KLHL24: variants seen among roughly 807,000 people sequenced by gnomAD.
KLHL24 encodes kelch-like protein 24.
Under a neutral mutation model 53.4 loss-of-function variants are expected in KLHL24, and 29 were observed. The ratio of observed to expected loss-of-function variants is 0.54; its 90% confidence interval spans 0.40 to 0.74. The LOEUF (loss-of-function observed/expected upper bound fraction) is 0.74, where lower values mean the gene tolerates loss of function less well. KLHL24 is among the 30% of genes least tolerant of loss of function. The probability of loss-of-function intolerance (pLI) is 0.00; values close to 1 mark genes in which losing one functional copy is unlikely to be tolerated. For synonymous variants in KLHL24, 222 were observed against 253.7 expected, an observed-to-expected ratio of 0.88 and a Z score of 1.19; for missense variants, 504 against 744.0, an observed-to-expected ratio of 0.68 and a Z score of 3.75.
At position 183,663,772 on chromosome 3, in the gene KLHL24, A is replaced by G. The variant is rs1720127288; in HGVS notation, c.1105+130A>G. The G allele has an allele frequency of 1.9e-6, 1 of 535,484 alleles. No individual in the cohort carries two copies. The highest frequency in any genetic ancestry group is 2.0e-5 in the African/African-American group (1 of 50,678). 33.2% of individuals were successfully genotyped at this position (535,484 alleles called of 1,614,324 possible). ...GAGGAAGATCAGTTTACAACAAATAAAACCAAGAATGACTTTTTGCTCTTA... is the reference window on the plus strand; with the variant it reads ...GAGGAAGATCAGTTTACAACAAATAGAACCAAGAATGACTTTTTGCTCTTA... On this transcript the variant is annotated intron_variant, in intron 4 of 7. Transcript: ENST00000242810. This position sits in a 1 kb window ranked among gnomAD's most constrained non-coding sequence, Gnocchi z 4.9.
Position 183,683,330 on chromosome 3 carries a change from T to C in KLHL24, c.*4044T>C, listed in dbSNP as rs1712885452. On this transcript the variant is annotated 3_prime_UTR_variant, in exon 8 of 8. Coordinates refer to ENST00000242810, the MANE Select transcript of KLHL24 (RefSeq NM_017644.3). ...ATGGACTGCCTTTATTTTAGTAAAC[T>C]CAAGACACCAGTTAACCTCAACAGA... The C allele has an allele frequency of 6.6e-6, 1 of 152,606 alleles. No homozygotes were observed. Among genetic ancestry groups the C allele is most frequent in the Non-Finnish European group, 1.5e-5 (1 of 68,032 alleles). The allele number at this position is 152,606 out of a possible 1,614,324, so 9.5% of individuals were successfully genotyped here.
intron 3 of KLHL24, among the ~76,000 whole-genome samples, chr3:183,660,086 T>C (rs1719494583): frequency 1.3e-5 from 2 of 151,916 alleles, no homozygotes; most frequent in Admixed American, 6.6e-5. Context: ...TTAGCAAATT[T>C]TCAGCTCGAA....
chr3:183,650,218 T>A lies in KLHL24; in HGVS notation c.-61-78T>A. ...TATATTATGTGATTTTGTTGTAGTG[T>A]TTATATTAAAATGAAATTATGTGAT... On this transcript the variant is annotated intron_variant, in intron 2 of 7. Coordinates refer to ENST00000242810, the MANE Select transcript of KLHL24 (RefSeq NM_017644.3). The surrounding 1 kb of genome is among the most constrained non-coding windows in gnomAD (Gnocchi z 4.5). 1.6e-6 allele frequency: 1 copy of A among 636,942 alleles called. No individual in the cohort carries two copies. 39.5% of individuals were successfully genotyped at this position (636,942 alleles called of 1,614,324 possible).
chr3:183,635,812 G>A lies in KLHL24; in HGVS notation c.-125+19G>A, dbSNP rs1355811769. On this transcript the variant is annotated intron_variant, in intron 1 of 7. Transcript: ENST00000242810. The stretch of plus-strand genomic sequence containing the variant: ...GGAACCGGTCAGAGTCTGAGTCCTC[G>A]GGGGCGGAGGGGCGACGGCGGTCCT... The A allele has an allele frequency of 1.3e-5, 2 of 152,376 alleles. No homozygotes were observed. The highest frequency in any genetic ancestry group is 2.9e-5 in the Non-Finnish European group (2 of 68,184). The allele number at this position is 152,376 out of a possible 1,614,324, so 9.4% of individuals were successfully genotyped here.
At chr3:183,669,984 C>T (rs961119759) in intron 5 of KLHL24, among the ~76,000 whole-genome samples, 1 of 152,218 alleles carries the variant, frequency 6.6e-6, no homozygotes, top group African/African-American at 2.4e-5. Context: ...TGGCTCACGC[C>T]TGTAATCCCA....
chr3:183,647,962 T>C (rs1409780076), intron 2 of KLHL24, among the ~76,000 whole-genome samples: 1 of 152,116 alleles, frequency 6.6e-6, no homozygotes, highest in Non-Finnish European at 1.5e-5. Flanking sequence ...GCCGAGGTCA[T>C]GGCACTGTAC....
At chr3:183,641,474 CAAAAAAA>C (rs202119480) in intron 1 of KLHL24, among the ~76,000 whole-genome samples, 2 of 70,270 alleles carry the variant, frequency 2.8e-5, no homozygotes, top group Admixed American at 1.7e-4. Flanking sequence ...GAGACTGTCT[CAAAAAAA>C]AAAAAAAAAA....
chr3:183,670,487 A>G (rs1461902078), intron 5 of KLHL24, among the ~76,000 whole-genome samples: 1 of 152,214 alleles, frequency 6.6e-6, no homozygotes, highest in South Asian at 2.1e-4. Flanking sequence ...TTTAAAGTTC[A>G]TTTTGTGTCA....
intron 2 of KLHL24, among the ~76,000 whole-genome samples, chr3:183,649,088 G>C (rs1432821709): frequency 6.6e-6 from 1 of 152,106 alleles, no homozygotes; most frequent in Non-Finnish European, 1.5e-5. Flanking sequence ...AGTCATTTCT[G>C]AGGGGGTTTT....
At position 183,663,395 on chromosome 3, in the gene KLHL24, C is replaced by G. The variant is rs1720076578; in HGVS notation, c.921-63C>G. On this transcript the variant is annotated intron_variant, in intron 3 of 7. Transcript: ENST00000242810. The surrounding 1 kb of genome is among the most constrained non-coding windows in gnomAD (Gnocchi z 4.9). ...TGTTTTTAGAGTTTTAAGAAAAAAT[C>G]TGGAGTATATTTTAATGTAATATTA... 2.3e-6 allele frequency: 2 copies of G among 875,522 alleles called. No individual in the cohort carries two copies. 54.2% of individuals were successfully genotyped at this position (875,522 alleles called of 1,614,324 possible). A position where few individuals can be genotyped will look rare whatever the true frequency, so the allele number is the denominator to read the frequency against.
At chr3:183,639,523 G>A (rs922350656) in intron 1 of KLHL24, among the ~76,000 whole-genome samples, 3 of 149,938 alleles carry the variant, frequency 2.0e-5, no homozygotes, top group African/African-American at 7.4e-5. Flanking sequence ...CCAGCTACTC[G>A]GGAGGCTGAG....
At chr3:183,672,639 T>A in intron 7 of KLHL24, 155 bp downstream of exon 7, 1 of 444,846 alleles carries the variant, frequency 2.2e-6, no homozygotes, top group Non-Finnish European at 3.9e-6. Context: ...CCGAGGTGGA[T>A]AGATCACTTG....
rs900587114 is a variant in KLHL24 at position 183,681,464 on chromosome 3, ACAT to A, written c.*2179_*2181del. The A allele has an allele frequency of 1.3e-5, 2 of 152,242 alleles. No individual in the cohort carries two copies. The highest frequency in any genetic ancestry group is 4.8e-5 in the African/African-American group (2 of 41,450). 9.4% of individuals were successfully genotyped at this position (152,242 alleles called of 1,614,324 possible). ...TAACTATTTACTTTTATTTTGTTATACATTTATTTTAATATCCATGTGTTTATT... is the reference window on the plus strand; with the variant it reads ...TAACTATTTACTTTTATTTTGTTATATTATTTTAATATCCATGTGTTTATT... On this transcript the variant is annotated 3_prime_UTR_variant, in exon 8 of 8. Coordinates refer to ENST00000242810, the MANE Select transcript of KLHL24 (RefSeq NM_017644.3).
At position 183,650,803 on chromosome 3, in the gene KLHL24, T is replaced by C; in HGVS notation, c.447T>C (p.Ser149=). ...AGACATCAAGCCTCTTTCAGATTAG[T>C]GTTCTCCGTGATGCATGTGCCAAGT... The part of the protein sequence containing the change: ...LFETSSLFQI[S]VLRDACAKFL... Residue 149 remains serine (S), a synonymous_variant, in exon 3 of 8, where the codon AGT becomes AGC. Transcript: ENST00000242810. This position sits in a 1 kb window ranked among gnomAD's most constrained non-coding sequence, Gnocchi z 4.5. The C allele has an allele frequency of 2.5e-6, 4 of 1,614,072 alleles. No individual in the cohort carries two copies. The highest frequency in any genetic ancestry group is 3.4e-6 in the Non-Finnish European group (4 of 1,179,956).
At chr3:183,666,171 G>A (rs183030862) in intron 5 of KLHL24, among the ~76,000 whole-genome samples, 6 of 152,274 alleles carry the variant, frequency 3.9e-5, no homozygotes, top group Admixed American at 2.0e-4. Context: ...ATGAGCCACC[G>A]CACCTAGCCA....
chr3:183,652,564 G>T (rs1432641520), intron 3 of KLHL24, among the ~76,000 whole-genome samples: 3 of 151,418 alleles, frequency 2.0e-5, no homozygotes, highest in African/African-American at 7.3e-5. Flanking sequence ...GTTTATTATT[G>T]GTTTATTATT....
intron 7 of KLHL24, among the ~76,000 whole-genome samples, chr3:183,673,374 T>TA (rs1295747149): frequency 2.0e-5 from 3 of 146,394 alleles, no homozygotes; most frequent in Non-Finnish European, 3.0e-5. Context: ...AAGTATCTGT[T>TA]ACACTTGGGC....
chr3:183,675,341 A>G (rs188083312), intron 7 of KLHL24, among the ~76,000 whole-genome samples: 2 of 152,318 alleles, frequency 1.3e-5, no homozygotes, highest in African/African-American at 4.8e-5. Flanking sequence ...ATGCAGTAAC[A>G]TTGCCCCAGT....
intron 3 of KLHL24, among the ~76,000 whole-genome samples, chr3:183,662,695 C>G (rs1004344446): frequency 1.3e-5 from 2 of 151,992 alleles, no homozygotes; most frequent in Non-Finnish European, 1.5e-5. Flanking sequence ...TTTTTGCATT[C>G]TAAAAATAGC....
Sources: allele counts gnomAD v4.1 joint callset (sites outside exome capture counted in the v4.1 genomes callset), GRCh38; gene constraint gnomAD v4.1.1; non-coding constraint Gnocchi (gnomAD v3.1); transcripts MANE v1.5; gene names NCBI Gene and HGNC (gene_info 2026-07-23, HGNC 2026-07-21).